The following FXN variants were observed in gnomAD, a reference collection of about 807,000 sequenced individuals.
FXN encodes the protein frataxin, mitochondrial.
Under a neutral mutation model 22.4 loss-of-function variants are expected in FXN, and 14 were observed. The observed-to-expected ratio is 0.62, with a 90% CI of 0.41 to 0.98. The LOEUF (loss-of-function observed/expected upper bound fraction) is 0.98. Ranked by LOEUF, FXN falls within the 50% of genes least tolerant of loss-of-function variation. FXN has a pLI of 0.00. For missense variants in FXN, 267 were observed against 268.4 expected (o/e 0.99, Z 0.04); for synonymous variants, 120 against 114.1 (o/e 1.05, Z -0.33).
intron 4 of FXN, 55 bp downstream of exon 4, chr9:69,065,090 G>GGTCCACAA: frequency 1.5e-6 from 2 of 1,347,674 alleles, no homozygotes; most frequent in Non-Finnish European, 2.1e-6. Context: ...CTTCCGAAAT[G>GGTCCACAA]TGACATTGTG....
chr9:69,036,955 G>A (rs183848128), intron 1 of FXN, among the ~76,000 whole-genome samples: 2 of 152,280 alleles, frequency 1.3e-5, no homozygotes, highest in Non-Finnish European at 2.9e-5. Context: ...AGAGTGGCTG[G>A]TACGCCGCAT....
At chr9:69,040,390 C>G (rs1033709160) in intron 1 of FXN, among the ~76,000 whole-genome samples, 6 of 152,142 alleles carry the variant, frequency 3.9e-5, no homozygotes, top group Non-Finnish European at 8.8e-5. Context: ...TATACGCTGC[C>G]GGGCGCGGTG....
intron 2 of FXN, 136 bp downstream of exon 2, chr9:69,046,618 T>A (rs1831760800): frequency 1.4e-6 from 1 of 704,002 alleles, no homozygotes; most frequent in Non-Finnish European, 2.6e-6. Flanking sequence ...ACCACATTAT[T>A]TTTAATGAAA....
intron 3 of FXN, among the ~76,000 whole-genome samples, chr9:69,060,237 G>A (rs1048527065): frequency 6.6e-6 from 1 of 152,134 alleles, no homozygotes; most frequent in African/African-American, 2.4e-5. Context: ...TGGGCGTGGT[G>A]GTGGGCGCCT....
At chr9:69,040,521 A>G (rs2133094438) in intron 1 of FXN, among the ~76,000 whole-genome samples, 1 of 152,094 alleles carries the variant, frequency 6.6e-6, no homozygotes, top group East Asian at 1.9e-4. Context: ...ACAAAAAATT[A>G]GCCGGGCGTG....
chr9:69,072,726 C>G lies in FXN; in HGVS notation c.597C>G (p.Asp199Glu). The change falls in exon 5 of 5, where the codon GAC (aspartate) becomes GAG (glutamate). Residue 199 changes from aspartate to glutamate, a missense_variant. Physicochemically the swap from Asp to Glu is conservative, Grantham distance 45. Transcript: ENST00000484259. Reference protein sequence around the residue: ...ELTKALKTKLDLSSLAYSGKD... With the variant: ...ELTKALKTKLELSSLAYSGKD... ...CTAAAGCCTTAAAAACCAAACTGGA[C>G]TTGTCTTCCTTGGCCTATTCCGGAA... is the stretch of plus-strand genomic sequence containing the variant. 2 of 1,614,224 alleles carry G rather than the reference C, an allele frequency of 1.2e-6. No individual in the cohort carries two copies. Among genetic ancestry groups the G allele is most frequent in the Non-Finnish European group, 1.7e-6 (2 of 1,180,044 alleles).
intron 4 of FXN, among the ~76,000 whole-genome samples, chr9:69,065,276 T>C (rs1832148974): frequency 6.6e-6 from 1 of 152,046 alleles, no homozygotes; most frequent in African/African-American, 2.4e-5. Context: ...GGTGCAGGCT[T>C]ACACCTGTAA....
intron 1 of FXN, 120 bp from the exon 2 acceptor site, chr9:69,046,265 G>GA: frequency 1.3e-6 from 1 of 748,582 alleles, no homozygotes; most frequent in Admixed American, 2.2e-5. Flanking sequence ...CTTTTTCTTA[G>GA]AAAAAATGGA....
intron 3 of FXN, among the ~76,000 whole-genome samples, chr9:69,056,467 A>G (rs945224276): frequency 6.6e-6 from 1 of 152,208 alleles, no homozygotes; most frequent in African/African-American, 2.4e-5. Flanking sequence ...TAACACTAAC[A>G]TGTATTACAG....
intron 2 of FXN, among the ~76,000 whole-genome samples, chr9:69,048,701 G>A (rs922200122): frequency 2.0e-5 from 3 of 152,102 alleles, no homozygotes; most frequent in African/African-American, 7.2e-5. Flanking sequence ...CCATCTCCTG[G>A]CTTATTCTTT....
chr9:69,058,770 A>G (rs750785722), intron 3 of FXN, among the ~76,000 whole-genome samples: 1 of 152,176 alleles, frequency 6.6e-6, no homozygotes, highest in Non-Finnish European at 1.5e-5. Flanking sequence ...CATGCAGAAA[A>G]TGAAAGTGAG....
At chr9:69,054,148 C>T (rs1831912018) in intron 3 of FXN, among the ~76,000 whole-genome samples, 1 of 151,922 alleles carries the variant, frequency 6.6e-6, no homozygotes, top group East Asian at 1.9e-4. Context: ...TTATAGGCAT[C>T]TGCCACCATG....
chr9:69,056,393 T>C (rs1043375671), intron 3 of FXN, among the ~76,000 whole-genome samples: 2 of 152,226 alleles, frequency 1.3e-5, no homozygotes, highest in Admixed American at 6.5e-5. Flanking sequence ...TCTATGAATA[T>C]GCACACATGT....
In FXN at chr9:69,038,999, T is replaced by A. The variant is rs539556337; in HGVS notation, c.165+3052T>A. ...TGGGTGTGGTTGCTCACACCTGTAA[T>A]CCCAGCACTTTGGGAGGCTGAGATG... On this transcript the variant is annotated intron_variant, in intron 1 of 4. Transcript: ENST00000484259. 2.6e-5 allele frequency among the ~76,000 whole-genome samples: 4 copies of A among 152,214 alleles called. No homozygotes were observed. In the East Asian group the frequency reaches 7.7e-4, roughly 29 times the overall value.
chr9:69,069,118 C>T (rs1162504699), intron 4 of FXN, among the ~76,000 whole-genome samples: 3 of 152,336 alleles, frequency 2.0e-5, no homozygotes, highest in African/African-American at 7.2e-5. Flanking sequence ...AATCCCAGCA[C>T]TTTGGGAGGC....
At chr9:69,067,208 C>T (rs1315442660) in intron 4 of FXN, among the ~76,000 whole-genome samples, 1 of 152,242 alleles carries the variant, frequency 6.6e-6, no homozygotes, top group African/African-American at 2.4e-5. Context: ...CCGGGCCTCA[C>T]CACCAGGGCG....
chr9:69,045,441 C>CA (rs1430133820), intron 1 of FXN, among the ~76,000 whole-genome samples: 1 of 152,026 alleles, frequency 6.6e-6, no homozygotes. Context: ...ACTAAAAATA[C>CA]AAAAAATCGG....
chr9:69,065,119 G>A (rs757211493), intron 4 of FXN, 84 bp downstream of exon 4: 79 of 1,089,998 alleles, frequency 7.2e-5, no homozygotes, highest in Middle Eastern at 5.9e-4. Flanking sequence ...AAGAAATGTC[G>A]GCTGAGCACA....
chr9:69,078,856 G>C lies in FXN; in HGVS notation c.*6094G>C, dbSNP rs1384451053. ...TGCCCTTGATTGTTCCATGTCCTCA[G>C]CATACCATGTTTGTCTTTCCCAGCA... is the stretch of plus-strand genomic sequence containing the variant. On this transcript the variant is annotated 3_prime_UTR_variant, in exon 5 of 5. Coordinates refer to ENST00000484259, the MANE Select transcript of FXN (RefSeq NM_000144.5). 3.3e-5 allele frequency: 33 copies of C among 985,664 alleles called. No individual in the cohort carries two copies. Among genetic ancestry groups the C allele is most frequent in the Non-Finnish European group, 1.1e-5 (9 of 830,262 alleles). 61.1% of individuals were successfully genotyped at this position (985,664 alleles called of 1,614,324 possible).
Sources: gnomAD v4.1 joint callset for allele counts (sites outside exome capture counted in the v4.1 genomes callset) on GRCh38, gnomAD v4.1.1 for gene constraint, MANE v1.5 for transcripts, NCBI Gene and HGNC (gene_info 2026-07-23, HGNC 2026-07-21) for gene names.